MYO3B: variants seen among roughly 807,000 people sequenced by gnomAD.
The protein encoded by MYO3B is myosin IIIB, also known as myosin-IIIb.
A neutral mutation model predicts 174.6 loss-of-function variants in MYO3B; 156 were observed. That is an observed-to-expected ratio of 0.89 (90% confidence interval 0.78 to 1.02). The LOEUF is 1.02. Ranked by LOEUF, MYO3B falls within the 50% of genes least tolerant of loss-of-function variation. MYO3B has a pLI of 0.00. For missense variants in MYO3B, 1,632 were observed against 1,639.4 expected, an observed-to-expected ratio of 1.00 and a Z score of 0.08; for synonymous variants, 563 against 569.1, an observed-to-expected ratio of 0.99 and a Z score of 0.15.
chr2:170,416,960 G>T (rs111584783), intron 22 of MYO3B, among the ~76,000 whole-genome samples: 1,760 of 151,744 alleles, frequency 0.012, 40 homozygotes, highest in African/African-American at 0.04. Flanking sequence ...CGAGTAGCTG[G>T]GTCTGCAGAC....
intron 6 of MYO3B, among the ~76,000 whole-genome samples, chr2:170,227,502 C>T (rs1170504396): frequency 2.0e-5 from 3 of 152,132 alleles, no homozygotes; most frequent in African/African-American, 7.2e-5. Context: ...CCAGGCTGGT[C>T]TTGAACTCCT....
At chr2:170,475,795 G>A (rs1306238056) in intron 25 of MYO3B, among the ~76,000 whole-genome samples, 1 of 152,212 alleles carries the variant, frequency 6.6e-6, no homozygotes, top group East Asian at 1.9e-4. Flanking sequence ...CTTTAGCTCA[G>A]CAAAGTGAGG....
intron 31 of MYO3B, 125 bp from the exon 32 acceptor site, chr2:170,543,767 C>G (rs371283154): frequency 1.7e-6 from 1 of 598,106 alleles, no homozygotes; most frequent in East Asian, 3.3e-5. Flanking sequence ...ACAAATGATT[C>G]CAGTATACTT....
At chr2:170,511,884 G>T (rs948306713) in intron 28 of MYO3B, among the ~76,000 whole-genome samples, 17 of 152,300 alleles carry the variant, frequency 1.1e-4, no homozygotes, top group African/African-American at 4.1e-4. Context: ...CCAGAAGCAG[G>T]CAGGACATAA....
At chr2:170,500,455 A>C (rs1687186330) in intron 27 of MYO3B, among the ~76,000 whole-genome samples, 1 of 152,152 alleles carries the variant, frequency 6.6e-6, no homozygotes, top group African/African-American at 2.4e-5. Flanking sequence ...ACACAGTTGA[A>C]TATCTTCTGG....
rs73016921 is a variant in MYO3B, at chr2:170,319,628, G to A, written c.750-15757G>A. ...AAAATTTTGTTTAAAAAAATAAGAG[G>A]TCCAAACATTCCAAATTTGATGAAA... On this transcript the variant is annotated intron_variant, in intron 7 of 34. Transcript: ENST00000408978. Among the ~76,000 whole-genome samples the A allele has an allele frequency of 6.0e-3, 917 of 152,128 alleles. 13 individuals carry two copies. Among genetic ancestry groups the A allele is most frequent in the African/African-American group, 0.021 (867 of 41,516 alleles).
At chr2:170,316,380 A>G (rs779960984) in intron 7 of MYO3B, among the ~76,000 whole-genome samples, 13 of 152,236 alleles carry the variant, frequency 8.5e-5, no homozygotes, top group Non-Finnish European at 1.8e-4. Flanking sequence ...CCTCTTCCAA[A>G]GAATTTGTTT....
At chr2:170,348,410 G>A (rs1466557371) in intron 8 of MYO3B, 2 of 151,990 alleles carry the variant, frequency 1.3e-5, no homozygotes, top group Non-Finnish European at 2.9e-5. Flanking sequence ...GCTATTTTTT[G>A]TATTTTTAGT....
At chr2:170,270,313 C>T (rs994698076) in intron 7 of MYO3B, among the ~76,000 whole-genome samples, 4 of 152,048 alleles carry the variant, frequency 2.6e-5, no homozygotes, top group East Asian at 1.9e-4. Flanking sequence ...AAGTGTGCTC[C>T]GTAGTTGTAA....
intron 7 of MYO3B, among the ~76,000 whole-genome samples, chr2:170,276,605 A>G (rs890376598): frequency 6.6e-6 from 1 of 152,236 alleles, no homozygotes; most frequent in Non-Finnish European, 1.5e-5. Context: ...AAAATAAATC[A>G]TGAAATTGAT....
intron 15 of MYO3B, 145 bp downstream of exon 15, chr2:170,391,763 T>G (rs1478912809): frequency 3.4e-6 from 2 of 585,978 alleles, no homozygotes; most frequent in Non-Finnish European, 6.0e-6. Context: ...GCAGGAAGTA[T>G]CCACCATTTT....
At chr2:170,312,524 A>G (rs116256086) in intron 7 of MYO3B, among the ~76,000 whole-genome samples, 1 of 152,372 alleles carries the variant, frequency 6.6e-6, no homozygotes, top group Non-Finnish European at 1.5e-5. Flanking sequence ...GACCCCATTG[A>G]CAAAGGACTT....
intron 32 of MYO3B, among the ~76,000 whole-genome samples, chr2:170,573,525 TA>T (rs1692586116): frequency 6.6e-6 from 1 of 152,134 alleles, no homozygotes; most frequent in Admixed American, 6.5e-5. Context: ...AAAAGGCAAT[TA>T]ACCTTATAAA....
At position 170,499,154 on chromosome 2, in the gene MYO3B, G is replaced by C. The variant is rs377063407; in HGVS notation, c.3126+451G>C. 8.7e-4 allele frequency among the ~76,000 whole-genome samples: 133 copies of C among 152,268 alleles called. 2 individuals are homozygous for C. The South Asian group carries it at 0.024, about 28-fold the overall frequency. Reference sequence around the variant, plus strand: ...AACGTCACGTCCCCATAGGATCCCAGGTTTTTATGGTCCATCCTGATTGCC... The same window carrying C: ...AACGTCACGTCCCCATAGGATCCCACGTTTTTATGGTCCATCCTGATTGCC... On this transcript the variant is annotated intron_variant, in intron 26 of 34. Coordinates refer to ENST00000408978, the MANE Select transcript of MYO3B (RefSeq NM_138995.5).
chr2:170,377,864 CATTT>C (rs1472541143), intron 9 of MYO3B, among the ~76,000 whole-genome samples: 2 of 152,206 alleles, frequency 1.3e-5, no homozygotes, highest in Non-Finnish European at 2.9e-5. Context: ...TTTATCCATT[CATTT>C]ATCTATGTCT....
chr2:170,379,866 A>T (rs1317705607), intron 9 of MYO3B, among the ~76,000 whole-genome samples: 2 of 152,252 alleles, frequency 1.3e-5, no homozygotes, highest in African/African-American at 4.8e-5. Flanking sequence ...TTTCAAATTT[A>T]TCAGTGATGG....
At chr2:170,430,955 G>T (rs2094703486) in intron 22 of MYO3B, among the ~76,000 whole-genome samples, 1 of 152,184 alleles carries the variant, frequency 6.6e-6, no homozygotes, top group Admixed American at 6.5e-5. Flanking sequence ...GAAAAGGGAT[G>T]TGGGGAATTT....
intron 8 of MYO3B, chr2:170,341,452 C>T (rs2093976232): frequency 6.6e-6 from 1 of 152,154 alleles, no homozygotes; most frequent in African/African-American, 2.4e-5. Context: ...GATACAATAA[C>T]CTTTATTTAC....
At chr2:170,438,131 T>C (rs946183127) in intron 22 of MYO3B, among the ~76,000 whole-genome samples, 1 of 152,198 alleles carries the variant, frequency 6.6e-6, no homozygotes, top group African/African-American at 2.4e-5. Context: ...CTCTCTGCTT[T>C]TGTGAGTTTG....
Sources: allele counts gnomAD v4.1 joint callset (sites outside exome capture counted in the v4.1 genomes callset), GRCh38; gene constraint gnomAD v4.1.1; transcripts MANE v1.5; gene names NCBI Gene and HGNC (gene_info 2026-07-23, HGNC 2026-07-21).